Variants in DPYSL5 observed in about 807,000 individuals in gnomAD.
The protein encoded by DPYSL5 is dihydropyrimidinase-related protein 5.
A neutral mutation model predicts 58.4 loss-of-function variants in DPYSL5; 9 were observed. That is an observed-to-expected ratio of 0.15 (90% CI 0.09 to 0.27). The LOEUF is 0.27. Among genes scored for constraint, DPYSL5 ranks in the 10% least tolerant of loss-of-function variants. The pLI is 1.00. For synonymous variants in DPYSL5, 293 were observed against 301.9 expected (o/e 0.97, Z 0.31); for missense variants, 499 against 770.6 (o/e 0.65, Z 4.17).
intron 2 of DPYSL5, among the ~76,000 whole-genome samples, chr2:26,916,791 A>G (rs1275991747): frequency 1.3e-5 from 2 of 152,134 alleles, no homozygotes; most frequent in African/African-American, 4.8e-5. Context: ...GCTGCCTTGT[A>G]GTCTCATAGT....
intron 1 of DPYSL5, among the ~76,000 whole-genome samples, chr2:26,850,018 T>A (rs1394975485): frequency 2.6e-5 from 4 of 152,078 alleles, no homozygotes; most frequent in Non-Finnish European, 5.9e-5. Flanking sequence ...GCAGCGCGGG[T>A]TCCCCCGAGC....
At chr2:26,921,879 C>T (rs1260134681) in intron 2 of DPYSL5, among the ~76,000 whole-genome samples, 1 of 152,142 alleles carries the variant, frequency 6.6e-6, no homozygotes. Context: ...TCAGGGGGCA[C>T]GTGGCTGCTC....
chr2:26,882,431 G>GTGTC (rs1663596616), intron 1 of DPYSL5, among the ~76,000 whole-genome samples: 1 of 129,102 alleles, frequency 7.7e-6, no homozygotes, highest in African/African-American at 3.1e-5. Context: ...GTGTGTGTCT[G>GTGTC]TGTGTGTGTG....
At chr2:26,850,759 A>C (rs1665730433) in intron 1 of DPYSL5, among the ~76,000 whole-genome samples, 1 of 152,148 alleles carries the variant, frequency 6.6e-6, no homozygotes, top group Admixed American at 6.5e-5. Context: ...GACAGATGAT[A>C]GCTGTCAAAG....
intron 1 of DPYSL5, among the ~76,000 whole-genome samples, chr2:26,870,825 G>T (rs1048786691): frequency 5.9e-5 from 9 of 152,168 alleles, no homozygotes; most frequent in Non-Finnish European, 1.2e-4. Context: ...AAGGTTGAGA[G>T]GTAGCTATCC....
chr2:26,881,019 T>C (rs563185443), intron 1 of DPYSL5, among the ~76,000 whole-genome samples: 4 of 152,332 alleles, frequency 2.6e-5, no homozygotes, highest in South Asian at 4.1e-4. Flanking sequence ...GCTGTAAGAT[T>C]GCTAGGAAAT....
At chr2:26,873,023 A>C (rs1258239540) in intron 1 of DPYSL5, among the ~76,000 whole-genome samples, 1 of 152,172 alleles carries the variant, frequency 6.6e-6, no homozygotes. Context: ...CCTTCCTTTA[A>C]TCCAACAAGG....
chr2:26,887,265 C>T (rs2148128605), intron 1 of DPYSL5, among the ~76,000 whole-genome samples: 1 of 152,346 alleles, frequency 6.6e-6, no homozygotes, highest in South Asian at 2.1e-4. Context: ...GAAACCAATA[C>T]CTTCCAAGTT....
intron 2 of DPYSL5, among the ~76,000 whole-genome samples, chr2:26,916,116 C>T (rs957696618): frequency 2.0e-5 from 3 of 152,092 alleles, no homozygotes; most frequent in Non-Finnish European, 4.4e-5. Flanking sequence ...TTCAGTCACC[C>T]AAGCATAAAA....
intron 1 of DPYSL5, among the ~76,000 whole-genome samples, chr2:26,881,767 C>T (rs1663568123): frequency 6.6e-6 from 1 of 152,004 alleles, no homozygotes; most frequent in South Asian, 2.1e-4. Flanking sequence ...ATGCCTTGTA[C>T]CCTTTTGAAA....
At chr2:26,918,207 T>TG (rs1468953312) in intron 2 of DPYSL5, among the ~76,000 whole-genome samples, 1 of 145,836 alleles carries the variant, frequency 6.9e-6, no homozygotes, top group Non-Finnish European at 1.5e-5. Flanking sequence ...TGCAGCTGCA[T>TG]GGGCGACATG....
chr2:26,934,603 C>T lies in DPYSL5; in HGVS notation c.816C>T (p.Thr272=). 6.2e-7 allele frequency: 1 copy of T among 1,613,294 alleles called. No individual in the cohort carries two copies. Among genetic ancestry groups the T allele is most frequent in the Non-Finnish European group, 8.5e-7 (1 of 1,180,014 alleles). The change falls in exon 8 of 13, where the codon ACC becomes ACT. Residue 272 remains threonine (T), a synonymous_variant. Coordinates refer to ENST00000288699, the MANE Select transcript of DPYSL5 (RefSeq NM_020134.4). This position sits in a 1 kb window ranked among gnomAD's most constrained non-coding sequence, Gnocchi z 4.3. ...MQGKVVLAET[T]TAHATLTGLH... is the part of the protein sequence containing the mutation. ...GGAAGGTTGTGCTGGCGGAGACCAC[C>T]ACTGCACATGCCACGCTGACAGGCT...
At chr2:26,894,626 T>C (rs1426762312) in intron 1 of DPYSL5, among the ~76,000 whole-genome samples, 1 of 152,218 alleles carries the variant, frequency 6.6e-6, no homozygotes, top group Non-Finnish European at 1.5e-5. Flanking sequence ...AATAGTCCCT[T>C]GATCTCTTAG....
chr2:26,865,445 C>T (rs565501980), intron 1 of DPYSL5, among the ~76,000 whole-genome samples: 4 of 151,620 alleles, frequency 2.6e-5, no homozygotes, highest in East Asian at 1.9e-4. Context: ...CTCAGCCTCC[C>T]GAGTAGCTGG....
chr2:26,928,704 T>TATATATATATATAC, intron 5 of DPYSL5, among the ~76,000 whole-genome samples: 2 of 62,980 alleles, frequency 3.2e-5, no homozygotes, highest in African/African-American at 1.3e-4. Flanking sequence ...TATATATATA[T>TATATATATATATAC]ACACACACAC....
At chr2:26,909,221 T>C (rs1457418942) in intron 2 of DPYSL5, among the ~76,000 whole-genome samples, 1 of 152,194 alleles carries the variant, frequency 6.6e-6, no homozygotes, top group Non-Finnish European at 1.5e-5. Context: ...GGATCTTTAA[T>C]TAGTAACTAA....
chr2:26,870,327 T>A (rs1458395547), intron 1 of DPYSL5, among the ~76,000 whole-genome samples: 2 of 152,210 alleles, frequency 1.3e-5, no homozygotes, highest in Non-Finnish European at 2.9e-5. Context: ...TGATTGGTTT[T>A]TCTCCGTTGA....
Position 26,927,543 on chromosome 2 carries a change from T to G in DPYSL5, c.600+111T>G. The G allele has an allele frequency of 7.2e-7, 1 of 1,390,962 alleles. No homozygotes were observed. Among genetic ancestry groups the G allele is most frequent in the Non-Finnish European group, 9.7e-7 (1 of 1,034,102 alleles). The allele number at this position is 1,390,962 out of a possible 1,614,324, so 86.2% of individuals were successfully genotyped here. On this transcript the variant is annotated intron_variant, in intron 4 of 12. Transcript: ENST00000288699. The surrounding 1 kb of genome is among the most constrained non-coding windows in gnomAD (Gnocchi z 4.3). ...TCCCACAGGATTCAGACAAAATCAG[T>G]TGTTAAAGTGTGAGGTGTGGACACC...
At chr2:26,857,488 C>T (rs1558319331) in intron 1 of DPYSL5, among the ~76,000 whole-genome samples, 1 of 151,262 alleles carries the variant, frequency 6.6e-6, no homozygotes, top group South Asian at 2.1e-4. Flanking sequence ...TGCAGTGAGC[C>T]GAGATTGCTC....
Sources: gnomAD v4.1 joint callset for allele counts (sites outside exome capture counted in the v4.1 genomes callset) on GRCh38, gnomAD v4.1.1 for gene constraint, Gnocchi (gnomAD v3.1) non-coding constraint, MANE v1.5 for transcripts, NCBI Gene and HGNC (gene_info 2026-07-23, HGNC 2026-07-21) for gene names.